The following DGKI variants were observed in gnomAD, a reference collection of about 807,000 sequenced individuals.
The protein encoded by DGKI is diacylglycerol kinase iota.
In DGKI, 55 loss-of-function variants were observed where a neutral mutation model predicts 147.5. That is an observed-to-expected ratio of 0.37 (90% confidence interval 0.30 to 0.47). DGKI has a LOEUF of 0.47. DGKI is among the 20% of genes least tolerant of loss of function. The probability of loss-of-function intolerance (pLI) is 1.00; values close to 1 mark genes in which losing one functional copy is unlikely to be tolerated. For synonymous variants in DGKI, 469 were observed against 477.1 expected, an observed-to-expected ratio of 0.98 and a Z score of 0.22; for missense variants, 1,007 against 1,323.8, an observed-to-expected ratio of 0.76 and a Z score of 3.71.
chr7:137,540,972 TA>T (rs2128961261), intron 20 of DGKI, among the ~76,000 whole-genome samples: 1 of 152,284 alleles, frequency 6.6e-6, no homozygotes, highest in South Asian at 2.1e-4. Context: ...AGTTGATCTA[TA>T]GACTCAATAT....
chr7:137,819,650 C>G (rs1797838826), intron 1 of DGKI, among the ~76,000 whole-genome samples: 1 of 152,152 alleles, frequency 6.6e-6, no homozygotes, highest in Non-Finnish European at 1.5e-5. Flanking sequence ...GCCCAGCCTA[C>G]TCATTTAGCA....
chr7:137,571,414 C>T (rs962661089), intron 18 of DGKI, 128 bp from the exon 19 acceptor site: 2 of 651,536 alleles, frequency 3.1e-6, no homozygotes, highest in East Asian at 3.1e-5. Flanking sequence ...TTGGTACACA[C>T]CTTCCATTAG....
At chr7:137,609,451 T>C in intron 9 of DGKI, 84 bp downstream of exon 9, 1 of 1,028,596 alleles carries the variant, frequency 9.7e-7, no homozygotes, top group Non-Finnish European at 1.5e-6. Flanking sequence ...ATCAGAAAAA[T>C]CAACTTGGAC....
chr7:137,710,565 C>A (rs1017843615), intron 1 of DGKI, among the ~76,000 whole-genome samples: 1 of 151,986 alleles, frequency 6.6e-6, no homozygotes, highest in Non-Finnish European at 1.5e-5. Flanking sequence ...AATTGCTTAT[C>A]CTTATAGAAA....
At chr7:137,735,105 A>T (rs935975099) in intron 1 of DGKI, among the ~76,000 whole-genome samples, 1 of 152,036 alleles carries the variant, frequency 6.6e-6, no homozygotes, top group African/African-American at 2.4e-5. Context: ...TCCATCTTTT[A>T]TGCTGAAATT....
At chr7:137,474,694 G>A (rs1331253930) in intron 23 of DGKI, among the ~76,000 whole-genome samples, 1 of 152,178 alleles carries the variant, frequency 6.6e-6, no homozygotes, top group African/African-American at 2.4e-5. Flanking sequence ...CTGTCCTTGA[G>A]GTGTTAAAAT....
At chr7:137,569,062 G>A (rs1319201828) in intron 19 of DGKI, among the ~76,000 whole-genome samples, 1 of 152,064 alleles carries the variant, frequency 6.6e-6, no homozygotes, top group Non-Finnish European at 1.5e-5. Flanking sequence ...TGGTACAAAA[G>A]AAGCAAGGGA....
At chr7:137,839,116 A>G (rs1798474453) in intron 1 of DGKI, among the ~76,000 whole-genome samples, 1 of 152,006 alleles carries the variant, frequency 6.6e-6, no homozygotes, top group Non-Finnish European at 1.5e-5. Context: ...ACCAGCTGGG[A>G]GTTTGGATTG....
intron 3 of DGKI, among the ~76,000 whole-genome samples, chr7:137,665,828 T>C (rs545720584): frequency 1.9e-4 from 29 of 152,054 alleles, no homozygotes; most frequent in African/African-American, 6.5e-4. Flanking sequence ...AAAACCAAAA[T>C]CTTACAGCAG....
At chr7:137,530,490 T>C (rs1817302568) in intron 20 of DGKI, among the ~76,000 whole-genome samples, 1 of 152,146 alleles carries the variant, frequency 6.6e-6, no homozygotes, top group Non-Finnish European at 1.5e-5. Flanking sequence ...GTTTAAAACA[T>C]AAATGTAATC....
intron 2 of DGKI, among the ~76,000 whole-genome samples, chr7:137,679,293 T>C (rs563039712): frequency 2.0e-5 from 3 of 152,294 alleles, no homozygotes; most frequent in African/African-American, 7.2e-5. Flanking sequence ...TCTAAAAATA[T>C]TCATATACTT....
At chr7:137,714,444 T>C (rs1469301787) in intron 1 of DGKI, among the ~76,000 whole-genome samples, 3 of 152,300 alleles carry the variant, frequency 2.0e-5, no homozygotes, top group African/African-American at 7.2e-5. Flanking sequence ...TATTTTTAGA[T>C]GTTTACCCTA....
At chr7:137,767,513 AAGAGAAGAGAAGAGAAGAGT>A (rs1284039859) in intron 1 of DGKI, among the ~76,000 whole-genome samples, 18 of 150,072 alleles carry the variant, frequency 1.2e-4, no homozygotes, top group African/African-American at 4.2e-4. Flanking sequence ...AAGAGAAGAG[AAGAGAAGAGAAGAGAAGAGT>A]AGAGTAGGAG....
intron 1 of DGKI, among the ~76,000 whole-genome samples, chr7:137,701,749 GAT>G (rs1324575280): frequency 2.0e-5 from 3 of 151,880 alleles, no homozygotes; most frequent in Non-Finnish European, 4.4e-5. Flanking sequence ...CTAACATTAA[GAT>G]ATCAAAACTT....
intron 17 of DGKI, among the ~76,000 whole-genome samples, chr7:137,575,080 G>A (rs1818924853): frequency 6.6e-6 from 1 of 152,116 alleles, no homozygotes; most frequent in Non-Finnish European, 1.5e-5. Flanking sequence ...AAAAACCATT[G>A]CATCAAAGAC....
chr7:137,736,007 C>A (rs1464954209), intron 1 of DGKI, among the ~76,000 whole-genome samples: 1 of 152,072 alleles, frequency 6.6e-6, no homozygotes, highest in East Asian at 1.9e-4. Flanking sequence ...GGACCATAAC[C>A]TGAGCACTGG....
At chr7:137,788,055 T>A (rs1796726104) in intron 1 of DGKI, among the ~76,000 whole-genome samples, 1 of 152,124 alleles carries the variant, frequency 6.6e-6, no homozygotes, top group African/African-American at 2.4e-5. Flanking sequence ...AATAAAAAAT[T>A]ATAAAAATAT....
intron 8 of DGKI, among the ~76,000 whole-genome samples, chr7:137,617,543 G>A (rs1820577599): frequency 6.6e-6 from 1 of 152,002 alleles, no homozygotes; most frequent in Admixed American, 6.6e-5. Context: ...AGACTAAGTG[G>A]TATGCTGTCT....
intron 27 of DGKI, among the ~76,000 whole-genome samples, chr7:137,451,955 T>C (rs923582931): frequency 6.6e-6 from 1 of 152,250 alleles, no homozygotes; most frequent in African/African-American, 2.4e-5. Flanking sequence ...CATCATTTCC[T>C]TCTTTGGAGA....
Sources: allele counts gnomAD v4.1 joint callset (sites outside exome capture counted in the v4.1 genomes callset), GRCh38; gene constraint gnomAD v4.1.1; transcripts MANE v1.5; gene names NCBI Gene and HGNC (gene_info 2026-07-23, HGNC 2026-07-21).